HIP1: variants seen among roughly 807,000 people sequenced by gnomAD.
HIP1 encodes huntingtin-interacting protein 1.
Under a neutral mutation model 147.6 loss-of-function variants are expected in HIP1, and 65 were observed. The observed-to-expected ratio is 0.44, with a 90% CI of 0.36 to 0.54. The LOEUF (loss-of-function observed/expected upper bound fraction) is 0.54, where lower values mean the gene tolerates loss of function less well. Among genes scored for constraint, HIP1 ranks in the 20% least tolerant of loss-of-function variants. The pLI is 0.00. For missense variants in HIP1, 1,061 were observed against 1,299.6 expected (o/e 0.82, Z 2.82); for synonymous variants, 479 against 504.0 (o/e 0.95, Z 0.67).
chr7:75,688,826 G>T (rs1416782652), intron 1 of HIP1, among the ~76,000 whole-genome samples: 7 of 152,164 alleles, frequency 4.6e-5, no homozygotes, highest in Non-Finnish European at 1.5e-5. Flanking sequence ...TCCCTGACTT[G>T]GGTGACAAGC....
intron 1 of HIP1, among the ~76,000 whole-genome samples, chr7:75,643,051 G>T (rs1278730690): frequency 6.6e-6 from 1 of 152,180 alleles, no homozygotes; most frequent in Admixed American, 6.6e-5. Context: ...TGAGGTGGGC[G>T]TGTCTTGGTA....
At chr7:75,700,342 G>C (rs535127276) in intron 1 of HIP1, among the ~76,000 whole-genome samples, 1 of 152,132 alleles carries the variant, frequency 6.6e-6, no homozygotes, top group African/African-American at 2.4e-5. Flanking sequence ...GACTTGTGGC[G>C]CCTGGCCCTG....
At chr7:75,657,683 T>C (rs1436749358) in intron 1 of HIP1, among the ~76,000 whole-genome samples, 1 of 151,952 alleles carries the variant, frequency 6.6e-6, no homozygotes, top group Non-Finnish European at 1.5e-5. Context: ...AAGCGGGTGC[T>C]AAACACTCAG....
Position 75,554,162 on chromosome 7 carries a change from A to C in HIP1, c.2109T>G (p.Ile703Met). 6.2e-7 allele frequency: 1 copy of C among 1,614,092 alleles called. No homozygotes were observed. Among genetic ancestry groups the C allele is most frequent in the Non-Finnish European group, 8.5e-7 (1 of 1,180,024 alleles). Reference sequence around the variant, plus strand: ...TGAGGCAGGTGGTGGCACCATGAGCAATGGCGTCGCTGGTCAAGTGGGCCA... The same window carrying C: ...TGAGGCAGGTGGTGGCACCATGAGCCATGGCGTCGCTGGTCAAGTGGGCCA... ...TLLAHLTSDA[I>M]AHGATTCLRA... is the part of the protein sequence containing the mutation. The change falls in exon 21 of 31, where the codon ATT (isoleucine) becomes ATG (methionine). Residue 703 changes from isoleucine (I) to methionine (M), a missense_variant. Around this residue, in one of 3 missense-constraint regions of HIP1, gnomAD observed 810 missense variants for 946.8 expected, o/e 0.86. Coordinates refer to ENST00000336926, the MANE Select transcript of HIP1 (RefSeq NM_005338.7).
At chr7:75,596,231 G>A (rs1796738387) in intron 2 of HIP1, among the ~76,000 whole-genome samples, 2 of 72,704 alleles carry the variant, frequency 2.8e-5, no homozygotes, top group Admixed American at 2.0e-4. Context: ...GCATGACCCT[G>A]CCTCAAAAAA....
chr7:75,663,317 G>T (rs1799375206), intron 1 of HIP1, among the ~76,000 whole-genome samples: 2 of 152,072 alleles, frequency 1.3e-5, no homozygotes, highest in Admixed American at 1.3e-4. Flanking sequence ...ATAATGTCCA[G>T]ACCAGGAGGG....
At chr7:75,595,239 TCTTTCTTTCTTTCTTC>T (rs879960760) in intron 2 of HIP1, among the ~76,000 whole-genome samples, 287 of 110,674 alleles carry the variant, frequency 2.6e-3, no homozygotes, top group East Asian at 0.019. Context: ...TTTCTTTCTT[TCTTTCTTTCTTTCTTC>T]CTTCCTTCCT....
chr7:75,732,997 T>A (rs782612946), intron 1 of HIP1, among the ~76,000 whole-genome samples: 13 of 152,164 alleles, frequency 8.5e-5, no homozygotes, highest in Non-Finnish European at 1.9e-4. Flanking sequence ...ATCTTACTCA[T>A]CTCTGTGTCT....
intron 8 of HIP1, among the ~76,000 whole-genome samples, chr7:75,569,153 C>A (rs1795520448): frequency 6.6e-6 from 1 of 152,218 alleles, no homozygotes; most frequent in African/African-American, 2.4e-5. Flanking sequence ...TGTAACCTCT[C>A]AGATGTGCGA....
At chr7:75,596,585 C>T (rs896175872) in intron 2 of HIP1, among the ~76,000 whole-genome samples, 3 of 152,076 alleles carry the variant, frequency 2.0e-5, no homozygotes, top group Non-Finnish European at 1.5e-5. Context: ...GGGGTTTTAC[C>T]ATGTTGGCCA....
chr7:75,642,962 C>T lies in HIP1; in HGVS notation c.121-43715G>A, dbSNP rs140811660. On this transcript the variant is annotated intron_variant, in intron 1 of 30. Transcript: ENST00000336926. Reference sequence around the variant, plus strand: ...CAGCCGGAATTCCAACCCCACAGCACTCCACGTTTAACATCCACTGAAAAG... The same window carrying T: ...CAGCCGGAATTCCAACCCCACAGCATTCCACGTTTAACATCCACTGAAAAG... Among the ~76,000 whole-genome samples, 595 of 152,320 alleles carry T rather than the reference C, an allele frequency of 3.9e-3. 9 individuals carry two copies. The highest frequency in any genetic ancestry group is 0.01 in the South Asian group (50 of 4,828).
chr7:75,615,501 A>C (rs1797622637), intron 1 of HIP1, among the ~76,000 whole-genome samples: 1 of 151,582 alleles, frequency 6.6e-6, no homozygotes, highest in Admixed American at 6.6e-5. Flanking sequence ...GCAGTGAGCT[A>C]TGACTGTGCC....
At position 75,722,756 on chromosome 7, in the gene HIP1, T is replaced by A. The variant is rs188903589; in HGVS notation, c.120+16045A>T. On this transcript the variant is annotated intron_variant, in intron 1 of 30. Transcript: ENST00000336926. Reference sequence around the variant, plus strand: ...CAGCATAGCACTTGATAAAAAAAAATTTTTTTTAAGGTTAAGTAAATTATA... The same window carrying A: ...CAGCATAGCACTTGATAAAAAAAAAATTTTTTTAAGGTTAAGTAAATTATA... Among the ~76,000 whole-genome samples the A allele has an allele frequency of 1.9e-3, 286 of 152,092 alleles. 1 individual carries two copies. Among genetic ancestry groups the A allele is most frequent in the African/African-American group, 6.2e-3 (257 of 41,494 alleles).
intron 1 of HIP1, among the ~76,000 whole-genome samples, chr7:75,693,485 G>T (rs1800525551): frequency 6.6e-6 from 1 of 152,114 alleles, no homozygotes; most frequent in Non-Finnish European, 1.5e-5. Flanking sequence ...AAGGATTCAT[G>T]GAGATACATT....
At chr7:75,614,374 C>T (rs1456395732) in intron 1 of HIP1, among the ~76,000 whole-genome samples, 1 of 151,952 alleles carries the variant, frequency 6.6e-6, no homozygotes, top group Non-Finnish European at 1.5e-5. Context: ...GTATATTTTA[C>T]CACCACACAC....
intron 1 of HIP1, among the ~76,000 whole-genome samples, chr7:75,715,774 CAAAAAAAAAAAA>C (rs34769081): frequency 5.4e-5 from 2 of 36,718 alleles, no homozygotes; most frequent in Non-Finnish European, 9.2e-5. Flanking sequence ...GATCCTGTCT[CAAAAAAAAAAAA>C]AAAAAAAAAA....
chr7:75,605,268 C>G (rs1301842338), intron 1 of HIP1, among the ~76,000 whole-genome samples: 1 of 152,132 alleles, frequency 6.6e-6, no homozygotes, highest in Non-Finnish European at 1.5e-5. Flanking sequence ...GTCTGGGGTT[C>G]TGGACACAGA....
At chr7:75,557,882 C>T (rs369348908) in intron 15 of HIP1, 112 bp from the exon 16 acceptor site, 4 of 794,430 alleles carry the variant, frequency 5.0e-6, no homozygotes, top group South Asian at 4.3e-5. Context: ...ACACAGGAAT[C>T]ACTTTCCTAC....
chr7:75,730,689 G>A (rs907336953), intron 1 of HIP1, among the ~76,000 whole-genome samples: 2 of 151,472 alleles, frequency 1.3e-5, no homozygotes, highest in Non-Finnish European at 2.9e-5. Context: ...GAAAAGGGTG[G>A]CTCATGTAAG....
Sources: allele counts gnomAD v4.1 joint callset (sites outside exome capture counted in the v4.1 genomes callset), GRCh38; gene constraint gnomAD v4.1.1; regional missense constraint gnomAD v4.1.1; transcripts MANE v1.5; gene names NCBI Gene and HGNC (gene_info 2026-07-23, HGNC 2026-07-21).